CROCC: variants seen among roughly 807,000 people sequenced by gnomAD.
The protein encoded by CROCC is rootletin.
In CROCC, 180 loss-of-function variants were observed where a neutral mutation model predicts 245.2. That is an observed-to-expected ratio of 0.73 (90% confidence interval 0.65 to 0.83). The LOEUF is 0.83. Among genes scored for constraint, CROCC ranks in the 40% least tolerant of loss-of-function variants. The probability of loss-of-function intolerance (pLI) is 0.00; values close to 1 mark genes in which losing one functional copy is unlikely to be tolerated. For synonymous variants in CROCC, 1,205 were observed against 1,241.6 expected, an observed-to-expected ratio of 0.97 and a Z score of 0.62; for missense variants, 2,688 against 2,779.4, an observed-to-expected ratio of 0.97 and a Z score of 0.74.
chr1:16,946,914 C>G lies in CROCC; in HGVS notation c.2437C>G (p.Gln813Glu), dbSNP rs2076061478. Residue 813 changes from glutamine to glutamate, a missense_variant, in exon 17 of 37, where the codon CAG (glutamine) becomes GAG (glutamate). Physicochemically the swap from Gln to Glu is conservative, Grantham distance 29 (BLOSUM62 2). Transcript: ENST00000375541. ...GLEGSLRVAE[Q>E]AQEALEQQLP... ...GGAGGGCTCCCTACGAGTGGCGGAG[C>G]AGGCCCAGGAGGCATTGGAGCAGCA... The G allele has an allele frequency of 1.3e-6, 2 of 1,563,640 alleles. No individual in the cohort carries two copies. Among genetic ancestry groups the G allele is most frequent in the Non-Finnish European group, 1.7e-6 (2 of 1,154,596 alleles).
At chr1:16,932,466 T>C (rs1364714517) in intron 8 of CROCC, among the ~76,000 whole-genome samples, 1 of 151,770 alleles carries the variant, frequency 6.6e-6, no homozygotes, top group South Asian at 2.1e-4. Flanking sequence ...AATTCTAGAC[T>C]GAGGAAGCGA....
chr1:16,928,241 G>A (rs529147110), intron 3 of CROCC, among the ~76,000 whole-genome samples: 19 of 152,396 alleles, frequency 1.2e-4, no homozygotes, highest in Admixed American at 2.6e-4. Context: ...GGGTGTTGTC[G>A]CTGCCAGGTG....
chr1:16,922,153 T>C (rs1246572700), intron 1 of CROCC, 75 bp downstream of exon 1: 36 of 1,374,448 alleles, frequency 2.6e-5, no homozygotes, highest in Non-Finnish European at 3.4e-5. Context: ...GAGAGGTGTG[T>C]GCGTCTTGGG....
At chr1:16,965,947 G>T (rs2076409712) in intron 28 of CROCC, 52 bp from the exon 29 acceptor site, 1 of 1,602,714 alleles carries the variant, frequency 6.2e-7, no homozygotes, top group Non-Finnish European at 8.5e-7. Context: ...TGGGGAGGTT[G>T]CAGGGTGTCA....
At chr1:16,924,261 C>A in intron 2 of CROCC, 64 bp from the exon 3 acceptor site, 1 of 1,580,180 alleles carries the variant, frequency 6.3e-7, no homozygotes, top group Non-Finnish European at 8.6e-7. Context: ...CTTGCCCTCC[C>A]TGTTGGGGGG....
Position 16,930,514 on chromosome 1 carries a change from A to T in CROCC, c.769A>T (p.Ile257Leu), listed in dbSNP as rs766059195. The change falls in exon 7 of 37, where the codon ATA (isoleucine) becomes TTA (leucine). Residue 257 changes from isoleucine to leucine, a missense_variant. Physicochemically the swap from Ile to Leu is conservative, Grantham distance 5 (BLOSUM62 2). This residue lies in a region of CROCC where 972 missense variants were observed against 895.3 expected (regional missense o/e 1.09). Transcript: ENST00000375541. ...GGCCAACCAGGCTCTGAGTGAGGACATACGAAAGGTGACCAATGACTGGAC... is the reference window on the plus strand; with the variant it reads ...GGCCAACCAGGCTCTGAGTGAGGACTTACGAAAGGTGACCAATGACTGGAC... ...GSANQALSED[I>L]RKVTNDWTRC... is the part of the protein sequence containing the mutation. 6.2e-7 allele frequency: 1 copy of T among 1,612,426 alleles called. No individual in the cohort carries two copies. Among genetic ancestry groups the T allele is most frequent in the African/African-American group, 1.3e-5 (1 of 74,938 alleles).
In CROCC at chr1:16,955,482, C is replaced by A; in HGVS notation, c.3636C>A (p.Arg1212=). ...RRSLGEGAKE[R]EALRRSNEEL... is the part of the protein sequence containing the mutation. ...GCCTGGGCGAGGGTGCCAAGGAGCG[C>A]GAGGCCCTGCGGCGTTCCAATGAGG... The change falls in exon 24 of 37, where the codon CGC becomes CGA. Residue 1212 remains arginine (R), a synonymous_variant. Coordinates refer to ENST00000375541, the MANE Select transcript of CROCC (RefSeq NM_014675.5). 2 of 1,583,534 alleles carry A rather than the reference C, an allele frequency of 1.3e-6. No homozygotes were observed. The highest frequency in any genetic ancestry group is 2.3e-5 in the East Asian group (1 of 43,916).
At chr1:16,968,893 A>G (rs1008154923) in intron 31 of CROCC, 10 of 631,196 alleles carry the variant, frequency 1.6e-5, no homozygotes, top group African/African-American at 5.5e-5. Context: ...AACTAGGTTG[A>G]TGGCACTCTG....
At chr1:16,915,465 A>G (rs2075292151) in intron 1 of CROCC, among the ~76,000 whole-genome samples, 1 of 152,126 alleles carries the variant, frequency 6.6e-6, no homozygotes, top group South Asian at 2.1e-4. Flanking sequence ...CCTGGGCAAC[A>G]TCTCATCTCT....
intron 3 of CROCC, among the ~76,000 whole-genome samples, chr1:16,927,682 G>A (rs1212821356): frequency 3.3e-5 from 5 of 152,398 alleles, no homozygotes; most frequent in African/African-American, 1.2e-4. Flanking sequence ...CGCACCTAGT[G>A]AGAGCCACCA....
intron 19 of CROCC, among the ~76,000 whole-genome samples, chr1:16,949,966 G>C (rs191125637): frequency 1.3e-5 from 2 of 150,896 alleles, no homozygotes; most frequent in Non-Finnish European, 2.9e-5. Flanking sequence ...ACGGGGTTTC[G>C]CCATGTTGGT....
intron 21 of CROCC, chr1:16,953,909 G>T: frequency 7.6e-6 from 2 of 263,394 alleles, no homozygotes; most frequent in Non-Finnish European, 1.3e-5. Flanking sequence ...CTCCTCACCA[G>T]CTGTGTACCT....
In CROCC at chr1:16,966,901, A is replaced by G. The variant is rs1211937037; in HGVS notation, c.4860+330A>G. Among the ~76,000 whole-genome samples, 1 of 152,084 alleles carries G rather than the reference A, an allele frequency of 6.6e-6. No homozygotes were observed. The highest frequency in any genetic ancestry group is 2.4e-5 in the African/African-American group (1 of 41,388). Reference sequence around the variant, plus strand: ...ATGGTGAAACCCCGTCTCTATGAAAAATACTTAGCTGGGCATGGTGGTGTG... The same window carrying G: ...ATGGTGAAACCCCGTCTCTATGAAAGATACTTAGCTGGGCATGGTGGTGTG... On this transcript the variant is annotated intron_variant, in intron 30 of 36. Coordinates refer to ENST00000375541, the MANE Select transcript of CROCC (RefSeq NM_014675.5). This position sits in a 1 kb window ranked among gnomAD's most constrained non-coding sequence, Gnocchi z 4.8.
rs969919617 is a variant in CROCC at position 16,953,250 on chromosome 1, C to T, written c.3007-52C>T. 3 of 1,510,892 alleles carry T rather than the reference C, an allele frequency of 2.0e-6. No homozygotes were observed. The African/African-American group carries it at 4.1e-5, about 21-fold the overall frequency. 93.6% of individuals were successfully genotyped at this position (1,510,892 alleles called of 1,614,324 possible). On this transcript the variant is annotated intron_variant, in intron 20 of 36. Transcript: ENST00000375541. ...TTGCTGCCCTGATGTTTTGGGGGGTCTGCCTGGGCCCCCTCCTGGTGTGTC... is the reference window on the plus strand; with the variant it reads ...TTGCTGCCCTGATGTTTTGGGGGGTTTGCCTGGGCCCCCTCCTGGTGTGTC...
rs111489117 is a variant in CROCC at position 16,938,935 on chromosome 1, C to T, written c.1401C>T (p.Gly467=). 5 of 1,602,046 alleles carry T rather than the reference C, an allele frequency of 3.1e-6. No homozygotes were observed. Among genetic ancestry groups the T allele is most frequent in the Admixed American group, 3.6e-5 (2 of 55,986 alleles). ...AQAVLSDSES[G]VQLSGSERTA... Reference sequence around the variant, plus strand: ...CCGTCTTGTCAGACTCTGAGAGCGGCGTCCAGCTGAGCGGCTCTGAGCGCA... The same window carrying T: ...CCGTCTTGTCAGACTCTGAGAGCGGTGTCCAGCTGAGCGGCTCTGAGCGCA... Residue 467 remains glycine (G), a synonymous_variant, in exon 12 of 37, where the codon GGC becomes GGT. Coordinates refer to ENST00000375541, the MANE Select transcript of CROCC (RefSeq NM_014675.5).
intron 26 of CROCC, among the ~76,000 whole-genome samples, chr1:16,959,966 A>AC (rs1335406503): frequency 6.6e-6 from 1 of 151,978 alleles, no homozygotes; most frequent in African/African-American, 2.4e-5. Context: ...AAAACAAAAA[A>AC]AAAAACAGAA....
At position 16,940,708 on chromosome 1, in the gene CROCC, C is replaced by CAGTTTTGTTT. The variant is rs1240738155; in HGVS notation, c.1808+616_1808+625dup. 37 of 237,004 alleles carry CAGTTTTGTTT rather than the reference C, an allele frequency of 1.6e-4. No homozygotes were observed. The East Asian group carries it at 5.3e-3, about 34-fold the overall frequency. The allele number at this position is 237,004 out of a possible 1,614,324, so 14.7% of individuals were successfully genotyped here. The stretch of plus-strand genomic sequence containing the variant: ...CGGCCAACATTTATTTTTTAGTATT[C>CAGTTTTGTTT]AGTTTTGTTTTGTTTTGTTTTGTTT... On this transcript the variant is annotated intron_variant, in intron 13 of 36. Coordinates refer to ENST00000375541, the MANE Select transcript of CROCC (RefSeq NM_014675.5).
intron 23 of CROCC, 60 bp from the exon 24 acceptor site, chr1:16,955,252 G>T: frequency 6.5e-7 from 1 of 1,534,138 alleles, no homozygotes; most frequent in South Asian, 1.1e-5. Flanking sequence ...TGGGGTACAA[G>T]ACCCAGCTTG....
intron 13 of CROCC, among the ~76,000 whole-genome samples, chr1:16,940,615 C>A (rs972600757): frequency 2.0e-5 from 3 of 152,270 alleles, no homozygotes; most frequent in Admixed American, 2.0e-4. Flanking sequence ...ATCTTGAACT[C>A]CTGACCTCAT....
Sources: gnomAD v4.1 joint callset for allele counts (sites outside exome capture counted in the v4.1 genomes callset) on GRCh38, gnomAD v4.1.1 for gene constraint, gnomAD v4.1.1 regional missense constraint, Gnocchi (gnomAD v3.1) non-coding constraint, MANE v1.5 for transcripts, NCBI Gene and HGNC (gene_info 2026-07-23, HGNC 2026-07-21) for gene names.